The following AVIL variants were observed in gnomAD, a reference collection of about 807,000 sequenced individuals.
AVIL encodes the protein advillin.
A neutral mutation model predicts 109.9 loss-of-function variants in AVIL; 78 were observed. The observed-to-expected ratio is 0.71, with a 90% CI of 0.59 to 0.86. The LOEUF (loss-of-function observed/expected upper bound fraction) is 0.86. Among genes scored for constraint, AVIL ranks in the 40% least tolerant of loss-of-function variants. The pLI is 0.00. For missense variants in AVIL, 892 were observed against 1,016.5 expected (o/e 0.88, Z 1.67); for synonymous variants, 367 against 379.1 (o/e 0.97, Z 0.37).
chr12:57,813,417 T>C lies in AVIL; in HGVS notation c.148A>G (p.Arg50Gly), dbSNP rs887976641. The change falls in exon 4 of 20, where the codon AGA (arginine) becomes GGA (glycine). Residue 50 changes from arginine (R) to glycine (G), a missense_variant. Arg to Gly is a moderately radical substitution (Grantham distance 125). Coordinates refer to ENST00000549994, the MANE Select transcript of AVIL (RefSeq NM_006576.4). ...TCCTGGGATAGGAGACTGGCCACTC[T>C]CCGGGTCTGGGAGGTAGTCAGAGAG... ...GDCYVILSTR[R>G]VASLLSQDIH... The C allele has an allele frequency of 1.9e-6, 3 of 1,613,386 alleles. No individual in the cohort carries two copies. The African/African-American group carries it at 4.0e-5, about 22-fold the overall frequency.
At chr12:57,815,422 C>A (rs1956089290) in intron 2 of AVIL, among the ~76,000 whole-genome samples, 1 of 152,170 alleles carries the variant, frequency 6.6e-6, no homozygotes, top group African/African-American at 2.4e-5. Flanking sequence ...GGGCTCAGGG[C>A]AGGGGTTGGG....
chr12:57,815,167 T>C (rs1247830554), intron 2 of AVIL, among the ~76,000 whole-genome samples: 1 of 152,136 alleles, frequency 6.6e-6, no homozygotes, highest in Non-Finnish European at 1.5e-5. Context: ...TTAGCCAGGA[T>C]GGTCTCAATC....
chr12:57,810,716 T>C, intron 6 of AVIL, 100 bp downstream of exon 6: 4 of 1,433,772 alleles, frequency 2.8e-6, no homozygotes, highest in Non-Finnish European at 3.9e-6. Context: ...AGACAGATTC[T>C]ACTCAAAGGC....
At chr12:57,805,007 T>A (rs1859753861) in intron 14 of AVIL, among the ~76,000 whole-genome samples, 1 of 152,208 alleles carries the variant, frequency 6.6e-6, no homozygotes, top group Admixed American at 6.5e-5. Flanking sequence ...CCCTAGTGAC[T>A]AATGATGTTA....
At position 57,810,798 on chromosome 12, in the gene AVIL, A is replaced by G; in HGVS notation, c.558+18T>C. The G allele has an allele frequency of 6.2e-7, 1 of 1,609,150 alleles. No homozygotes were observed. Among genetic ancestry groups the G allele is most frequent in the Non-Finnish European group, 8.5e-7 (1 of 1,175,474 alleles). The stretch of plus-strand genomic sequence containing the variant: ...AGAAAGAGGAACTTGAGAAAGTGCT[A>G]AGGCTAGGAAGCCATACCTTCAGGC... On this transcript the variant is annotated intron_variant, in intron 6 of 19. Coordinates refer to ENST00000549994, the MANE Select transcript of AVIL (RefSeq NM_006576.4).
chr12:57,806,561 T>G, intron 13 of AVIL, 22 bp from the exon 14 acceptor site: 1 of 1,613,118 alleles, frequency 6.2e-7, no homozygotes, highest in Non-Finnish European at 8.5e-7. Flanking sequence ...AAAAGCAGAG[T>G]CCAGATCTAA....
In AVIL at chr12:57,806,385, G is replaced by T. The variant is rs1955946111; in HGVS notation, c.1646C>A (p.Ala549Glu). The T allele has an allele frequency of 6.2e-7, 1 of 1,613,968 alleles. No individual in the cohort carries two copies. The highest frequency in any genetic ancestry group is 1.3e-5 in the African/African-American group (1 of 74,880). The change falls in exon 14 of 20, where the codon GCA becomes GAA. Residue 549 changes from alanine (A) to glutamate (E), a missense_variant. Physicochemically the swap from Ala to Glu is moderately radical, Grantham distance 107 (BLOSUM62 -1). Transcript: ENST00000549994. ...SNDVFLLRTQ[A>E]EHYLWYGKGS... The stretch of plus-strand genomic sequence containing the variant: ...CTTGCCATACCACAGGTAGTGCTCT[G>T]CCTGAGTTCGCAGCAGAAAGACATC...
At position 57,800,037 on chromosome 12, in the gene AVIL, C is replaced by T. The variant is rs575506909; in HGVS notation, c.2221-117G>A. Reference sequence around the variant, plus strand: ...CTTATGCCACTTCACCCTCTGTAATCATCTTTGATAACAATGCTCCCCAAA... The same window carrying T: ...CTTATGCCACTTCACCCTCTGTAATTATCTTTGATAACAATGCTCCCCAAA... On this transcript the variant is annotated intron_variant, in intron 18 of 19. Transcript: ENST00000549994. 323 of 1,338,086 alleles carry T rather than the reference C, an allele frequency of 2.4e-4. 3 individuals carry two copies. In the South Asian group the frequency reaches 4.3e-3, roughly 18 times the overall value. The allele number at this position is 1,338,086 out of a possible 1,614,324, so 82.9% of individuals were successfully genotyped here. A position where few individuals can be genotyped will look rare whatever the true frequency, so the allele number is the denominator to read the frequency against.
At position 57,807,356 on chromosome 12, in the gene AVIL, A is replaced by G; in HGVS notation, c.1466T>C (p.Phe489Ser). The G allele has an allele frequency of 6.2e-7, 1 of 1,614,188 alleles. No homozygotes were observed. Among genetic ancestry groups the G allele is most frequent in the African/African-American group, 1.3e-5 (1 of 75,036 alleles). The change falls in exon 13 of 20, where the codon TTC (phenylalanine) becomes TCC (serine). Residue 489 changes from phenylalanine (F) to serine (S), a missense_variant. Coordinates refer to ENST00000549994, the MANE Select transcript of AVIL (RefSeq NM_006576.4). ...GTEPRHFMAIFKGKLVIFEGG... is the reference protein window; with the variant it reads ...GTEPRHFMAISKGKLVIFEGG... ...CTCAAAGATAACTAGCTTCCCTTTG[A>G]AGATGGCCATGAAGTGGCGTGGCTC...
At chr12:57,800,578 A>G (rs1023473139) in intron 18 of AVIL, 2 of 152,872 alleles carry the variant, frequency 1.3e-5, no homozygotes, top group African/African-American at 4.8e-5. Flanking sequence ...CTTAAACGGC[A>G]GAGTTGAATA....
Position 57,807,745 on chromosome 12 carries a change from C to T in AVIL, c.1195-18G>A. 1 of 1,613,820 alleles carries T rather than the reference C, an allele frequency of 6.2e-7. No individual in the cohort carries two copies. Among genetic ancestry groups the T allele is most frequent in the South Asian group, 1.1e-5 (1 of 91,086 alleles). On this transcript the variant is annotated intron_variant, in intron 11 of 19. Transcript: ENST00000549994. ...CTCCAGACCTGGGCATAGAAGGAGA[C>T]ACCGTTTTCCAGAGATGGGGGTGCT...
At chr12:57,814,950 G>C (rs1956082394) in intron 2 of AVIL, 1 of 152,184 alleles carries the variant, frequency 6.6e-6, no homozygotes, top group African/African-American at 2.4e-5. Flanking sequence ...CTTGTTTTTT[G>C]TTTTTGTTTT....
In AVIL at chr12:57,799,912, C is replaced by T; in HGVS notation, c.2229G>A (p.Lys743=). 2.5e-6 allele frequency: 4 copies of T among 1,614,110 alleles called. No individual in the cohort carries two copies. Among genetic ancestry groups the T allele is most frequent in the South Asian group, 2.2e-5 (2 of 91,080 alleles). The change falls in exon 19 of 20, where the codon AAG becomes AAA. Residue 743 remains lysine (K), a synonymous_variant. Transcript: ENST00000549994. ...AAIMRITADM[K]NATLSLNSND... is the part of the protein sequence containing the mutation. The stretch of plus-strand genomic sequence containing the variant: ...TAGAATTCAGGGAGAGGGTTGCATT[C>T]TTCATGTCCTAGGTAAGATAAGAAT...
At position 57,797,423 on chromosome 12, in the gene AVIL, C is replaced by T. The variant is rs1333030063; in HGVS notation, c.*459G>A. ...ATTTGAAAAGTGAAAAATGCTTTGA[C>T]ACATTACAGATCTGGGTATTTGGAT... On this transcript the variant is annotated 3_prime_UTR_variant, in exon 20 of 20. Coordinates refer to ENST00000549994, the MANE Select transcript of AVIL (RefSeq NM_006576.4). 2 of 985,386 alleles carry T rather than the reference C, an allele frequency of 2.0e-6. No individual in the cohort carries two copies. The highest frequency in any genetic ancestry group is 2.4e-6 in the Non-Finnish European group (2 of 829,940). The allele number at this position is 985,386 out of a possible 1,614,324, so 61.0% of individuals were successfully genotyped here.
chr12:57,817,261 G>C (rs1025811777), intron 1 of AVIL, among the ~76,000 whole-genome samples: 1 of 151,752 alleles, frequency 6.6e-6, no homozygotes, highest in African/African-American at 2.4e-5. Flanking sequence ...AGGACTGTAT[G>C]CATTTTTGCT....
intron 13 of AVIL, 106 bp downstream of exon 13, chr12:57,807,225 G>A (rs1955961300): frequency 6.6e-7 from 1 of 1,526,088 alleles, no homozygotes; most frequent in East Asian, 2.3e-5. Flanking sequence ...TCTAATCCAA[G>A]CCTGACTCCC....
At chr12:57,798,929 T>C (rs570876865) in intron 19 of AVIL, among the ~76,000 whole-genome samples, 10 of 152,336 alleles carry the variant, frequency 6.6e-5, no homozygotes, top group African/African-American at 2.4e-4. Context: ...AATTTATTCT[T>C]TTAACTCAAA....
At chr12:57,810,718 C>T (rs1018565201) in intron 6 of AVIL, 98 bp downstream of exon 6, 85 of 1,452,312 alleles carry the variant, frequency 5.9e-5, no homozygotes, top group Non-Finnish European at 7.8e-5. Flanking sequence ...ACAGATTCTA[C>T]TCAAAGGCAG....
rs1955766692 is a variant in AVIL at position 57,797,850 on chromosome 12, G to C, written c.*32C>G. ...ATATTGGCACTATCTGCTCTTTTCT[G>C]TGGCCTTGCAATAGGTATAGGCCTT... is the stretch of plus-strand genomic sequence containing the variant. On this transcript the variant is annotated 3_prime_UTR_variant, in exon 20 of 20. Coordinates refer to ENST00000549994, the MANE Select transcript of AVIL (RefSeq NM_006576.4). 1 of 1,488,346 alleles carries C rather than the reference G, an allele frequency of 6.7e-7. No individual in the cohort carries two copies. The highest frequency in any genetic ancestry group is 2.3e-5 in the East Asian group (1 of 42,562). The allele number at this position is 1,488,346 out of a possible 1,614,324, so 92.2% of individuals were successfully genotyped here. A position where few individuals can be genotyped will look rare whatever the true frequency, so the allele number is the denominator to read the frequency against.
Sources: gnomAD v4.1 joint callset for allele counts (sites outside exome capture counted in the v4.1 genomes callset) on GRCh38, gnomAD v4.1.1 for gene constraint, MANE v1.5 for transcripts, NCBI Gene and HGNC (gene_info 2026-07-23, HGNC 2026-07-21) for gene names.